Variants in IRS2 observed in about 807,000 individuals in gnomAD.
IRS2 encodes the protein insulin receptor substrate 2.
Under a neutral mutation model 70.9 loss-of-function variants are expected in IRS2, and 28 were observed. The ratio of observed to expected loss-of-function variants is 0.39; its 90% CI spans 0.29 to 0.54. IRS2 has a LOEUF of 0.54. IRS2 is among the 20% of genes least tolerant of loss of function. The probability of loss-of-function intolerance (pLI) is 0.59; values close to 1 mark genes in which losing one functional copy is unlikely to be tolerated. For missense variants in IRS2, 2,081 were observed against 2,024.1 expected, an observed-to-expected ratio of 1.03 and a Z score of -0.54; for synonymous variants, 1,217 against 981.9, an observed-to-expected ratio of 1.24 and a Z score of -4.48.
Position 109,785,860 on chromosome 13 carries a change from C to A in IRS2, c.194G>T (p.Gly65Val), listed in dbSNP as rs1293916243. The A allele has an allele frequency of 7.3e-6, 11 of 1,512,354 alleles. No homozygotes were observed. Among genetic ancestry groups the A allele is most frequent in the Admixed American group, 2.1e-5 (1 of 48,474 alleles). 93.7% of individuals were successfully genotyped at this position (1,512,354 alleles called of 1,614,324 possible). The change falls in exon 1 of 2, where the codon GGG becomes GTG. Residue 65 changes from glycine to valine, a missense_variant. Gly to Val is a moderately radical substitution (Grantham distance 109, BLOSUM62 -3). Around this residue, in one of 4 missense-constraint regions of IRS2, gnomAD observed 320 missense variants for 352.9 expected, o/e 0.91. Transcript: ENST00000375856. The surrounding 1 kb of genome is among the most constrained non-coding windows in gnomAD (Gnocchi z 9.3). ...AGGDEATAGG[G>V]SAPQPPRLEY... The stretch of plus-strand genomic sequence containing the variant: ...GAGCCGCGGCGGTTGCGGCGCCGAC[C>A]CCCCGCCCGCCGTCGCCTCGTCGCC...
Position 109,765,927 on chromosome 13 carries a change from C to T in IRS2, c.4013-9619G>A, listed in dbSNP as rs1453802397. On this transcript the variant is annotated intron_variant, in intron 1 of 1. Coordinates refer to ENST00000375856, the MANE Select transcript of IRS2 (RefSeq NM_003749.3). ...ATGTAGATATCCCAGCCTCATCCAC[C>T]TTGGCTCCTCCTCCCCACCAAGCAT... Among the ~76,000 whole-genome samples the T allele has an allele frequency of 3.0e-4, 17 of 57,486 alleles. No homozygotes were observed. The East Asian group carries it at 4.8e-3, about 16-fold the overall frequency. 37.7% of individuals were successfully genotyped at this position (57,486 alleles called of 152,430 possible).
Position 109,785,274 on chromosome 13 carries a change from G to A in IRS2, c.780C>T (p.Gly260=), listed in dbSNP as rs1877883287. 5 of 1,607,686 alleles carry A rather than the reference G, an allele frequency of 3.1e-6. No individual in the cohort carries two copies. The highest frequency in any genetic ancestry group is 4.2e-6 in the Non-Finnish European group (5 of 1,177,930). Residue 260 remains glycine, a synonymous_variant, in exon 1 of 2, where the codon GGC becomes GGT. Coordinates refer to ENST00000375856, the MANE Select transcript of IRS2 (RefSeq NM_003749.3). This position sits in a 1 kb window ranked among gnomAD's most constrained non-coding sequence, Gnocchi z 9.3. ...HSDSFFFIEV[G]RSAVTGPGEL... is the part of the protein sequence containing the mutation. ...CGCCGGGGCCTGTGACGGCCGAGCG[G>A]CCCACCTCGATGAAGAAGAAGCTGT...
In IRS2 at chr13:109,782,762, C is replaced by G. The variant is rs750829685; in HGVS notation, c.3292G>C (p.Val1098Leu). The change falls in exon 1 of 2, where the codon GTG (valine) becomes CTG (leucine). Residue 1098 changes from valine (V) to leucine (L), a missense_variant. Physicochemically the swap from Val to Leu is conservative, Grantham distance 32. This residue lies in a region of IRS2 where 1,615 missense variants were observed against 1,459.5 expected (regional missense o/e 1.11). Coordinates refer to ENST00000375856, the MANE Select transcript of IRS2 (RefSeq NM_003749.3). ...AAPPKPEAARVASPTSGVKRL... is the reference protein window; with the variant it reads ...AAPPKPEAARLASPTSGVKRL... ...TTCACGCCCGACGTCGGGCTGGCCA[C>G]GCGGGCAGCTTCTGGCTTCGGGGGG... 3 of 1,602,470 alleles carry G rather than the reference C, an allele frequency of 1.9e-6. No homozygotes were observed. Among genetic ancestry groups the G allele is most frequent in the Non-Finnish European group, 1.7e-6 (2 of 1,175,146 alleles).
rs1183807374 is a variant in IRS2, at chr13:109,784,400, A to C, written c.1654T>G (p.Cys552Gly). Residue 552 changes from cysteine to glycine, a missense_variant, in exon 1 of 2, where the codon TGT (cysteine) becomes GGT (glycine). Around this residue, in one of 4 missense-constraint regions of IRS2, gnomAD observed 1,615 missense variants for 1,459.5 expected, o/e 1.11. Transcript: ENST00000375856. The surrounding 1 kb of genome is among the most constrained non-coding windows in gnomAD (Gnocchi z 5.2). Reference protein sequence around the residue: ...YMTMDRPLSHCGRSYRRVSGD... With the variant: ...YMTMDRPLSHGGRSYRRVSGD... The stretch of plus-strand genomic sequence containing the variant: ...GAGACCCGGCGGTAGGAGCGGCCAC[A>C]GTGGCTCAGGGGCCTGTCCATGGTC... The C allele has an allele frequency of 6.2e-7, 1 of 1,610,026 alleles. No homozygotes were observed. The highest frequency in any genetic ancestry group is 8.5e-7 in the Non-Finnish European group (1 of 1,179,216).
chr13:109,774,082 C>G (rs1335007944), intron 1 of IRS2, among the ~76,000 whole-genome samples: 1 of 152,152 alleles, frequency 6.6e-6, no homozygotes, highest in Non-Finnish European at 1.5e-5. Flanking sequence ...TCAGAACACC[C>G]TTGTATATTT....
chr13:109,783,431 C>G lies in IRS2; in HGVS notation c.2623G>C (p.Gly875Arg). Reference sequence around the variant, plus strand: ...TGGCCCAAGAAGCCCTCCGGGCGGCCGCCGCTAGGCCGCACGGGCGAAGGC... The same window carrying G: ...TGGCCCAAGAAGCCCTCCGGGCGGCGGCCGCTAGGCCGCACGGGCGAAGGC... ...VVPSPVRPSG[G>R]RPEGFLGQRG... is the part of the protein sequence containing the mutation. The change falls in exon 1 of 2, where the codon GGC becomes CGC. Residue 875 changes from glycine (G) to arginine (R), a missense_variant. Around this residue, in one of 4 missense-constraint regions of IRS2, gnomAD observed 1,615 missense variants for 1,459.5 expected, o/e 1.11. Transcript: ENST00000375856. 1 of 1,496,434 alleles carries G rather than the reference C, an allele frequency of 6.7e-7. No homozygotes were observed. Among genetic ancestry groups the G allele is most frequent in the Non-Finnish European group, 8.8e-7 (1 of 1,131,356 alleles). 92.7% of individuals were successfully genotyped at this position (1,496,434 alleles called of 1,614,324 possible). A position where few individuals can be genotyped will look rare whatever the true frequency, so the allele number is the denominator to read the frequency against.
intron 1 of IRS2, among the ~76,000 whole-genome samples, chr13:109,763,639 G>A (rs920308809): frequency 1.3e-5 from 2 of 152,226 alleles, no homozygotes; most frequent in Non-Finnish European, 2.9e-5. Context: ...TTTGGGCCAA[G>A]TGATATAAGG....
Position 109,782,749 on chromosome 13 carries a change from G to T in IRS2, c.3305C>A (p.Thr1102Lys). ...GAGGCTCAGCCTCTTCACGCCCGAC[G>T]TCGGGCTGGCCACGCGGGCAGCTTC... Reference protein sequence around the residue: ...KPEAARVASPTSGVKRLSLME... With the variant: ...KPEAARVASPKSGVKRLSLME... The change falls in exon 1 of 2, where the codon ACG (threonine) becomes AAG (lysine). Residue 1102 changes from threonine (T) to lysine (K), a missense_variant. Transcript: ENST00000375856. 1 of 1,600,486 alleles carries T rather than the reference G, an allele frequency of 6.2e-7. No homozygotes were observed.
At chr13:109,757,594 A>G (rs934439963) in intron 1 of IRS2, among the ~76,000 whole-genome samples, 10 of 152,212 alleles carry the variant, frequency 6.6e-5, no homozygotes, top group Non-Finnish European at 1.5e-4. Flanking sequence ...AGCTTTACAG[A>G]AAAAATACTT....
At position 109,782,720 on chromosome 13, in the gene IRS2, C is replaced by T. The variant is rs1328909789; in HGVS notation, c.3334G>A (p.Glu1112Lys). 1 of 1,595,272 alleles carries T rather than the reference C, an allele frequency of 6.3e-7. No individual in the cohort carries two copies. The highest frequency in any genetic ancestry group is 1.1e-5 in the South Asian group (1 of 88,682). ...TSGVKRLSLM[E>K]QVSGVEAFLQ... ...AAGGCCTCGACTCCCGACACCTGCT[C>T]CATGAGGCTCAGCCTCTTCACGCCC... Residue 1112 changes from glutamate to lysine, a missense_variant, in exon 1 of 2, where the codon GAG becomes AAG. Glu to Lys is a moderately conservative substitution (Grantham distance 56). Around this residue, in one of 4 missense-constraint regions of IRS2, gnomAD observed 1,615 missense variants for 1,459.5 expected, o/e 1.11. Coordinates refer to ENST00000375856, the MANE Select transcript of IRS2 (RefSeq NM_003749.3).
rs1481601947 is a variant in IRS2 at position 109,753,740 on chromosome 13, A to G, written c.*2564T>C. On this transcript the variant is annotated 3_prime_UTR_variant, in exon 2 of 2. Transcript: ENST00000375856. ...TTAAAAGGGGTATCCAAGTATTTTT[A>G]GGAGCCTAGTATTTCCTCACTTACT... The G allele has an allele frequency of 5.2e-6, 1 of 192,820 alleles. No homozygotes were observed. The highest frequency in any genetic ancestry group is 2.3e-5 in the African/African-American group (1 of 43,098). The allele number at this position is 192,820 out of a possible 1,614,324, so 11.9% of individuals were successfully genotyped here.
At chr13:109,772,156 C>T (rs1227332549) in intron 1 of IRS2, among the ~76,000 whole-genome samples, 6 of 152,188 alleles carry the variant, frequency 3.9e-5, no homozygotes, top group Non-Finnish European at 7.3e-5. Context: ...ATGACGGGAT[C>T]GGGGGCGGCT....
chr13:109,782,419 G>A lies in IRS2; in HGVS notation c.3635C>T (p.Pro1212Leu), dbSNP rs923486089. ...TSPRQLQPAP[P>L]LAPQGRPWTP... Reference sequence around the variant, plus strand: ...CCACGGCCGGCCCTGCGGTGCCAAAGGGGGCGCCGGCTGCAACTGTCGTGG... The same window carrying A: ...CCACGGCCGGCCCTGCGGTGCCAAAAGGGGCGCCGGCTGCAACTGTCGTGG... The change falls in exon 1 of 2, where the codon CCT becomes CTT. Residue 1212 changes from proline (P) to leucine (L), a missense_variant. Pro to Leu is a moderately conservative substitution (Grantham distance 98). Transcript: ENST00000375856. 1 of 1,597,164 alleles carries A rather than the reference G, an allele frequency of 6.3e-7. No homozygotes were observed. The highest frequency in any genetic ancestry group is 1.3e-5 in the African/African-American group (1 of 74,462).
In IRS2 at chr13:109,782,120, C is replaced by T. The variant is rs772356858; in HGVS notation, c.3934G>A (p.Gly1312Ser). ...TGGGCGGPGP[G>S]ALPPANTYAS... is the part of the protein sequence containing the mutation. ...TAGGTGTTGGCAGGGGGCAGGGCACCGGGACCCGGCCCCCCGCACCCGCCG... is the reference window on the plus strand; with the variant it reads ...TAGGTGTTGGCAGGGGGCAGGGCACTGGGACCCGGCCCCCCGCACCCGCCG... Residue 1312 changes from glycine to serine, a missense_variant, in exon 1 of 2, where the codon GGT (glycine) becomes AGT (serine). Gly to Ser is a moderately conservative substitution (Grantham distance 56). Transcript: ENST00000375856. 5.0e-6 allele frequency: 8 copies of T among 1,609,754 alleles called. No homozygotes were observed. In the East Asian group the frequency reaches 1.8e-4, roughly 36 times the overall value.
chr13:109,754,590 T>C lies in IRS2; in HGVS notation c.*1714A>G, dbSNP rs558015607. 6 of 199,914 alleles carry C rather than the reference T, an allele frequency of 3.0e-5. No homozygotes were observed. The Admixed American group carries it at 3.6e-4, about 12-fold the overall frequency. 12.4% of individuals were successfully genotyped at this position (199,914 alleles called of 1,614,324 possible). A position where few individuals can be genotyped will look rare whatever the true frequency, so the allele number is the denominator to read the frequency against. On this transcript the variant is annotated 3_prime_UTR_variant, in exon 2 of 2. Coordinates refer to ENST00000375856, the MANE Select transcript of IRS2 (RefSeq NM_003749.3). ...CTTCCAGCTAACATTATATGGCCTA[T>C]GCACTGCTGTGATGTATAATTTCAG...
Position 109,784,369 on chromosome 13 carries a change from T to TC in IRS2, c.1684dup (p.Asp562GlyfsTer36). 1 of 1,608,632 alleles carries TC rather than the reference T, an allele frequency of 6.2e-7. No homozygotes were observed. The stretch of plus-strand genomic sequence containing the variant: ...CCCTCGGTCCAGGTCCTGGGCCGCG[T>TC]CCCCCGAGACCCGGCGGTAGGAGCG... On this transcript the variant is annotated frameshift_variant, in exon 1 of 2. Coordinates refer to ENST00000375856, the MANE Select transcript of IRS2 (RefSeq NM_003749.3). LOFTEE classifies it high-confidence loss of function. The surrounding 1 kb of genome is among the most constrained non-coding windows in gnomAD (Gnocchi z 5.2).
At position 109,780,048 on chromosome 13, in the gene IRS2, T is replaced by C. The variant is rs1877663074; in HGVS notation, c.4012+1994A>G. Among the ~76,000 whole-genome samples the C allele has an allele frequency of 3.3e-5, 5 of 152,248 alleles. No homozygotes were observed. In the South Asian group the frequency reaches 1.0e-3, roughly 32 times the overall value. On this transcript the variant is annotated intron_variant, in intron 1 of 1. Transcript: ENST00000375856. Reference sequence around the variant, plus strand: ...TCCCTCCAGGCCTGGAGGCACAAATTCCAGCTTATGGCGCCTGCTATGGCA... The same window carrying C: ...TCCCTCCAGGCCTGGAGGCACAAATCCCAGCTTATGGCGCCTGCTATGGCA...
At chr13:109,761,284 A>G (rs940923168) in intron 1 of IRS2, among the ~76,000 whole-genome samples, 4 of 152,212 alleles carry the variant, frequency 2.6e-5, no homozygotes, top group African/African-American at 9.6e-5. Flanking sequence ...ATGCTTTCAC[A>G]TTTTCAGCCA....
intron 1 of IRS2, among the ~76,000 whole-genome samples, chr13:109,769,652 A>G (rs1877410647): frequency 6.6e-6 from 1 of 152,112 alleles, no homozygotes; most frequent in Non-Finnish European, 1.5e-5. Flanking sequence ...CATCTCCTAA[A>G]TGCACATCCA....
Sources: allele counts gnomAD v4.1 joint callset (sites outside exome capture counted in the v4.1 genomes callset), GRCh38; gene constraint gnomAD v4.1.1; regional missense constraint gnomAD v4.1.1; non-coding constraint Gnocchi (gnomAD v3.1); transcripts MANE v1.5; gene names NCBI Gene and HGNC (gene_info 2026-07-23, HGNC 2026-07-21).